Variants in SPOCK3 observed in about 807,000 individuals in gnomAD.
SPOCK3 encodes the protein testican-3.
A neutral mutation model predicts 56.6 loss-of-function variants in SPOCK3; 30 were observed. The observed-to-expected ratio is 0.53, with a 90% CI of 0.40 to 0.72. The LOEUF is 0.72. SPOCK3 is among the 30% of genes least tolerant of loss of function. The pLI, the probability that SPOCK3 is intolerant of heterozygous loss-of-function variation, is 0.00. For missense variants in SPOCK3, 527 were observed against 530.0 expected, an observed-to-expected ratio of 0.99 and a Z score of 0.06; for synonymous variants, 196 against 183.3, an observed-to-expected ratio of 1.07 and a Z score of -0.56.
At position 166,906,817 on chromosome 4, in the gene SPOCK3, G is replaced by A. The variant is rs1052212179; in HGVS notation, c.474+5803C>T. On this transcript the variant is annotated intron_variant, in intron 5 of 10. Transcript: ENST00000357545. ...CATGTGTAGCAATATAGAAAAAAAT[G>A]AAGGGTAATTAATTTAGAAAATGAA... 2.0e-5 allele frequency among the ~76,000 whole-genome samples: 3 copies of A among 151,680 alleles called. No homozygotes were observed. The East Asian group carries it at 5.8e-4, about 29-fold the overall frequency.
In SPOCK3 at chr4:167,169,153, T is replaced by A. The variant is rs147459625; in HGVS notation, c.189+64832A>T. Among the ~76,000 whole-genome samples the A allele has an allele frequency of 4.0e-4, 61 of 152,310 alleles. No individual in the cohort carries two copies. The East Asian group carries it at 0.011, about 28-fold the overall frequency. On this transcript the variant is annotated intron_variant, in intron 2 of 10. Coordinates refer to ENST00000357545, the MANE Select transcript of SPOCK3 (RefSeq NM_001040159.2). ...TCATGGTGAACCTCTACTAGGGCAG[T>A]GCAGAAGGGAAATGTGGGGTTGAAG...
intron 6 of SPOCK3, among the ~76,000 whole-genome samples, chr4:166,852,772 G>T (rs1307803529): frequency 2.0e-5 from 3 of 152,196 alleles, no homozygotes; most frequent in Non-Finnish European, 4.4e-5. Context: ...GATGACAGAA[G>T]TTAGCAGAGG....
intron 2 of SPOCK3, among the ~76,000 whole-genome samples, chr4:167,135,680 CGTGTGT>C (rs57918767): frequency 0.44 from 65,623 of 147,542 alleles, 14,574 homozygotes; most frequent in East Asian, 0.62. Context: ...CTATATAAAA[CGTGTGT>C]GTGTGTGTGT....
At chr4:167,201,427 C>T (rs1487498468) in intron 2 of SPOCK3, among the ~76,000 whole-genome samples, 1 of 151,852 alleles carries the variant, frequency 6.6e-6, no homozygotes, top group Non-Finnish European at 1.5e-5. Context: ...AATATGGAGG[C>T]TATGAGCTCA....
intron 4 of SPOCK3, among the ~76,000 whole-genome samples, chr4:166,986,071 A>G (rs964820063): frequency 2.0e-5 from 3 of 152,192 alleles, no homozygotes; most frequent in Non-Finnish European, 4.4e-5. Context: ...CTACAATACT[A>G]TCATTTCAAT....
intron 4 of SPOCK3, among the ~76,000 whole-genome samples, chr4:166,944,027 G>A (rs1741422330): frequency 6.6e-6 from 1 of 152,048 alleles, no homozygotes; most frequent in South Asian, 2.1e-4. Context: ...CATGCCTGTA[G>A]TCCCAGCTAC....
chr4:167,146,137 C>T (rs1554043784), intron 2 of SPOCK3, among the ~76,000 whole-genome samples: 1 of 150,696 alleles, frequency 6.6e-6, no homozygotes, highest in Non-Finnish European at 1.5e-5. Context: ...AAATGGAAAG[C>T]AAAAAAAAGC....
intron 3 of SPOCK3, among the ~76,000 whole-genome samples, chr4:167,014,646 T>A (rs999077292): frequency 1.3e-5 from 2 of 151,930 alleles, no homozygotes; most frequent in African/African-American, 4.8e-5. Flanking sequence ...CAGAGAGATA[T>A]CCTGTTTTTA....
intron 3 of SPOCK3, among the ~76,000 whole-genome samples, chr4:167,006,025 C>A (rs1456960738): frequency 6.6e-6 from 1 of 152,068 alleles, no homozygotes; most frequent in African/African-American, 2.4e-5. Flanking sequence ...CTATACACAT[C>A]CGTTCTAAGC....
intron 2 of SPOCK3, among the ~76,000 whole-genome samples, chr4:167,100,487 TCA>T (rs141060778): frequency 1.3e-4 from 19 of 147,560 alleles, no homozygotes; most frequent in South Asian, 2.1e-4. Context: ...TCTCTCTCTC[TCA>T]CACACACACA....
chr4:166,983,423 C>T (rs13125129), intron 4 of SPOCK3, among the ~76,000 whole-genome samples: 39,743 of 151,890 alleles, frequency 0.26, 5,401 homozygotes, highest in African/African-American at 0.33. Flanking sequence ...TTAGTGATAA[C>T]ATGTCATATT....
chr4:166,829,237 T>A (rs1413092488), intron 6 of SPOCK3, among the ~76,000 whole-genome samples: 4 of 152,050 alleles, frequency 2.6e-5, no homozygotes, highest in Non-Finnish European at 5.9e-5. Flanking sequence ...AAAATGGTAG[T>A]AATTTTGTTT....
intron 4 of SPOCK3, among the ~76,000 whole-genome samples, chr4:166,969,145 A>G (rs72697580): frequency 0.078 from 11,823 of 152,224 alleles, 748 homozygotes; most frequent in Admixed American, 0.22. Flanking sequence ...TCTTGGAAGT[A>G]ATTAATATGT....
chr4:167,012,970 G>A (rs913490497), intron 3 of SPOCK3, among the ~76,000 whole-genome samples: 2 of 151,852 alleles, frequency 1.3e-5, no homozygotes, highest in Non-Finnish European at 2.9e-5. Context: ...TTAGACTTTT[G>A]ACAGTCAATT....
At chr4:166,991,549 T>C (rs6842698) in intron 4 of SPOCK3, among the ~76,000 whole-genome samples, 5,133 of 151,978 alleles carry the variant, frequency 0.034, 119 homozygotes, top group Non-Finnish European at 0.052. Flanking sequence ...TTTGTATTTT[T>C]AGTAGACACA....
intron 6 of SPOCK3, among the ~76,000 whole-genome samples, chr4:166,795,840 C>T (rs1488785029): frequency 2.6e-5 from 4 of 152,008 alleles, no homozygotes; most frequent in Non-Finnish European, 5.9e-5. Flanking sequence ...CTTAAAATGT[C>T]CCCTCATTCC....
At chr4:166,745,254 C>A (rs946892303) in intron 8 of SPOCK3, among the ~76,000 whole-genome samples, 1 of 133,944 alleles carries the variant, frequency 7.5e-6, no homozygotes, top group African/African-American at 2.7e-5. Flanking sequence ...TCGGGTTACC[C>A]ACAAAGGGAA....
rs1430716771 is a variant in SPOCK3 at position 166,734,927 on chromosome 4, G to A, written c.1296C>T (p.Tyr432=). The part of the protein sequence containing the change: ...DDDGGDDHDV[Y]I Reference sequence around the variant, plus strand: ...TGATTTCAACTGTCATCAATCAAATGTATACATCATGGTCATCACCACCAT... The same window carrying A: ...TGATTTCAACTGTCATCAATCAAATATATACATCATGGTCATCACCACCAT... Residue 432 remains tyrosine, a synonymous_variant, in exon 11 of 11, where the codon TAC becomes TAT. Coordinates refer to ENST00000357545, the MANE Select transcript of SPOCK3 (RefSeq NM_001040159.2). The A allele has an allele frequency of 2.6e-6, 4 of 1,540,708 alleles. No homozygotes were observed. Among genetic ancestry groups the A allele is most frequent in the Admixed American group, 3.5e-5 (2 of 57,568 alleles).
At chr4:166,773,797 C>T (rs917715125) in intron 7 of SPOCK3, among the ~76,000 whole-genome samples, 3 of 152,146 alleles carry the variant, frequency 2.0e-5, no homozygotes, top group African/African-American at 7.2e-5. Flanking sequence ...TGTATATAAG[C>T]ATAGGCACAC....
Sources: gnomAD v4.1 joint callset for allele counts (sites outside exome capture counted in the v4.1 genomes callset) on GRCh38, gnomAD v4.1.1 for gene constraint, MANE v1.5 for transcripts, NCBI Gene and HGNC (gene_info 2026-07-23, HGNC 2026-07-21) for gene names.